The following ARMC9 variants were observed in gnomAD, a reference collection of about 807,000 sequenced individuals.
ARMC9 encodes the protein lisH domain-containing protein ARMC9.
In ARMC9, 94 loss-of-function variants were observed where a neutral mutation model predicts 107.0. The ratio of observed to expected loss-of-function variants is 0.88; its 90% confidence interval spans 0.74 to 1.04. The LOEUF is 1.04. Ranked by LOEUF, ARMC9 falls within the 50% of genes least tolerant of loss-of-function variation. The probability of loss-of-function intolerance (pLI) is 0.00; values close to 1 mark genes in which losing one functional copy is unlikely to be tolerated. For synonymous variants in ARMC9, 380 were observed against 396.9 expected, an observed-to-expected ratio of 0.96 and a Z score of 0.51; for missense variants, 942 against 1,030.1, an observed-to-expected ratio of 0.91 and a Z score of 1.17.
At chr2:231,212,881 T>A (rs908902206) in intron 3 of ARMC9, among the ~76,000 whole-genome samples, 2 of 152,348 alleles carry the variant, frequency 1.3e-5, no homozygotes, top group South Asian at 4.1e-4. Flanking sequence ...TAGGGCTTAT[T>A]TGAAAAATTC....
chr2:231,213,952 G>C (rs1274627577), intron 3 of ARMC9, among the ~76,000 whole-genome samples: 2 of 152,208 alleles, frequency 1.3e-5, no homozygotes. Context: ...AGTAGCAACT[G>C]CATTGTTTTG....
intron 19 of ARMC9, among the ~76,000 whole-genome samples, chr2:231,315,418 A>G (rs935716125): frequency 6.6e-6 from 1 of 152,078 alleles, no homozygotes; most frequent in Non-Finnish European, 1.5e-5. Context: ...GCACACCTGT[A>G]GTCCCAGCTA....
intron 9 of ARMC9, among the ~76,000 whole-genome samples, chr2:231,246,921 C>G (rs1357763106): frequency 6.6e-6 from 1 of 151,748 alleles, no homozygotes; most frequent in African/African-American, 2.4e-5. Flanking sequence ...GTCTCCCAAG[C>G]AGCTGGGACT....
intron 24 of ARMC9, chr2:231,371,048 C>T (rs1182711779): frequency 6.6e-6 from 3 of 456,894 alleles, no homozygotes; most frequent in African/African-American, 4.0e-5. Context: ...CTGGGAAACA[C>T]ACCCAAAACC....
At chr2:231,320,077 G>A (rs1484484642) in intron 19 of ARMC9, among the ~76,000 whole-genome samples, 2 of 152,024 alleles carry the variant, frequency 1.3e-5, no homozygotes, top group Non-Finnish European at 2.9e-5. Flanking sequence ...TCAACATTAT[G>A]TGTTAGAGGT....
chr2:231,248,797 G>A (rs113232915), intron 9 of ARMC9, among the ~76,000 whole-genome samples: 2,579 of 124,240 alleles, frequency 0.021, 87 homozygotes, highest in African/African-American at 0.079. Context: ...ACAGAACGAG[G>A]TTCTGTCTCA....
intron 19 of ARMC9, among the ~76,000 whole-genome samples, chr2:231,296,575 G>A (rs952709436): frequency 4.3e-4 from 65 of 152,352 alleles, no homozygotes; most frequent in African/African-American, 1.3e-3. Context: ...GAAGGGGCAC[G>A]AGCCTCGGCC....
chr2:231,308,690 C>T (rs2042168933), intron 19 of ARMC9, among the ~76,000 whole-genome samples: 1 of 152,218 alleles, frequency 6.6e-6, no homozygotes, highest in Non-Finnish European at 1.5e-5. Flanking sequence ...GGCATAGAAC[C>T]AGACAGTTCC....
chr2:231,252,286 G>C (rs1048467654), intron 9 of ARMC9, among the ~76,000 whole-genome samples: 3 of 152,084 alleles, frequency 2.0e-5, no homozygotes, highest in African/African-American at 7.2e-5. Flanking sequence ...CTTTGCTCTT[G>C]TCACCCAGGC....
chr2:231,335,044 A>G (rs2043995122), intron 20 of ARMC9, among the ~76,000 whole-genome samples: 1 of 152,202 alleles, frequency 6.6e-6, no homozygotes, highest in Non-Finnish European at 1.5e-5. Flanking sequence ...ACATTCTGTC[A>G]GAAAATTGTA....
rs141394657 is a variant in ARMC9, at chr2:231,280,090, T to C, written c.1551+1632T>C. On this transcript the variant is annotated intron_variant, in intron 16 of 24. Coordinates refer to ENST00000611582, the MANE Select transcript of ARMC9 (RefSeq NM_001352754.2). ...TTTCAAGTACTGGAACCAATATGTC[T>C]GCTCTGAAAACTTAATAGACCAAAG... Among the ~76,000 whole-genome samples, 79 of 152,344 alleles carry C rather than the reference T, an allele frequency of 5.2e-4. 3 individuals carry two copies. The East Asian group carries it at 0.015, about 29-fold the overall frequency.
chr2:231,307,149 C>T (rs1011849676), intron 19 of ARMC9, among the ~76,000 whole-genome samples: 3 of 152,226 alleles, frequency 2.0e-5, no homozygotes, highest in African/African-American at 7.2e-5. Context: ...TTGCTGCTCA[C>T]AGTGCCCCAG....
At chr2:231,253,450 G>A (rs567851677) in intron 9 of ARMC9, among the ~76,000 whole-genome samples, 4 of 152,212 alleles carry the variant, frequency 2.6e-5, no homozygotes, top group African/African-American at 7.2e-5. Context: ...TTGGCTGGGC[G>A]CGGTTTGGCT....
intron 17 of ARMC9, among the ~76,000 whole-genome samples, chr2:231,286,903 A>G (rs2040630875): frequency 6.6e-6 from 1 of 152,228 alleles, no homozygotes; most frequent in Non-Finnish European, 1.5e-5. Context: ...TTGAACTTTA[A>G]GAGCCTGCCA....
intron 9 of ARMC9, among the ~76,000 whole-genome samples, chr2:231,254,289 A>C (rs919345445): frequency 2.0e-5 from 3 of 152,202 alleles, no homozygotes; most frequent in Non-Finnish European, 2.9e-5. Flanking sequence ...CATGAAGGCA[A>C]AGTCAAAAAG....
intron 9 of ARMC9, 53 bp from the exon 10 acceptor site, chr2:231,256,533 C>T (rs1428098917): frequency 6.3e-7 from 1 of 1,587,472 alleles, no homozygotes; most frequent in African/African-American, 1.3e-5. Context: ...GGGATCCGTG[C>T]ATTGCTATCA....
chr2:231,355,207 C>T (rs1349823023), intron 21 of ARMC9, among the ~76,000 whole-genome samples: 3 of 152,078 alleles, frequency 2.0e-5, no homozygotes, highest in Admixed American at 1.3e-4. Context: ...AGTGTGGAGG[C>T]GCCCATCTGT....
At chr2:231,300,426 C>T (rs536710413) in intron 19 of ARMC9, among the ~76,000 whole-genome samples, 20 of 152,282 alleles carry the variant, frequency 1.3e-4, no homozygotes, top group African/African-American at 4.6e-4. Flanking sequence ...GTTTAAAATA[C>T]CTCCAAGAAT....
At chr2:231,224,718 A>C (rs914094528) in intron 6 of ARMC9, among the ~76,000 whole-genome samples, 1 of 152,360 alleles carries the variant, frequency 6.6e-6, no homozygotes, top group Non-Finnish European at 1.5e-5. Context: ...GTTCAGTTCA[A>C]TACATTAAGC....
Sources: gnomAD v4.1 joint callset for allele counts (sites outside exome capture counted in the v4.1 genomes callset) on GRCh38, gnomAD v4.1.1 for gene constraint, MANE v1.5 for transcripts, NCBI Gene and HGNC (gene_info 2026-07-23, HGNC 2026-07-21) for gene names.